Variants in CCSER1 observed in about 807,000 individuals in gnomAD.
The protein encoded by CCSER1 is serine-rich coiled-coil domain-containing protein 1.
In CCSER1, 41 loss-of-function variants were observed where a neutral mutation model predicts 82.0. That is an observed-to-expected ratio of 0.50 (90% CI 0.39 to 0.65). The LOEUF (loss-of-function observed/expected upper bound fraction) is 0.65, where lower values mean the gene tolerates loss of function less well. CCSER1 is among the 30% of genes least tolerant of loss of function. The pLI is 0.00. For synonymous variants in CCSER1, 414 were observed against 383.9 expected (o/e 1.08, Z -0.92); for missense variants, 1,119 against 1,064.2 (o/e 1.05, Z -0.72).
At chr4:91,533,363 A>C (rs1761133005) in intron 10 of CCSER1, among the ~76,000 whole-genome samples, 1 of 152,194 alleles carries the variant, frequency 6.6e-6, no homozygotes, top group Non-Finnish European at 1.5e-5. Flanking sequence ...ATGATTACAG[A>C]ATCTCATATA....
chr4:91,116,411 G>A lies in CCSER1; in HGVS notation c.2217+30417G>A, dbSNP rs1482603861. 5.9e-5 allele frequency among the ~76,000 whole-genome samples: 9 copies of A among 152,302 alleles called. No homozygotes were observed. In the East Asian group the frequency reaches 1.7e-3, roughly 29 times the overall value. ...GGAGAGCCTAGTGATGAGAGGGCAT[G>A]CTCTTTGGAACCAGAATGCCCGCGA... On this transcript the variant is annotated intron_variant, in intron 10 of 10. Coordinates refer to ENST00000509176, the MANE Select transcript of CCSER1 (RefSeq NM_001145065.2).
chr4:90,785,696 G>A (rs779237644), intron 7 of CCSER1, among the ~76,000 whole-genome samples: 14 of 149,822 alleles, frequency 9.3e-5, no homozygotes, highest in Admixed American at 2.0e-4. Flanking sequence ...AAAACTATAC[G>A]TTTAATTTGT....
At chr4:90,431,081 T>C (rs751979460) in intron 4 of CCSER1, among the ~76,000 whole-genome samples, 1 of 152,018 alleles carries the variant, frequency 6.6e-6, no homozygotes, top group Non-Finnish European at 1.5e-5. Flanking sequence ...TCATTTTAGA[T>C]CCTCACTTGG....
rs964627468 is a variant in CCSER1 at position 90,168,518 on chromosome 4, G to T, written c.-42+40687G>T. ...GTCCATTTTAGCTTTTGTTACCATT[G>T]CTTTTGGTGTTTTAGACATGAAGTC... is the stretch of plus-strand genomic sequence containing the variant. On this transcript the variant is annotated intron_variant, in intron 1 of 10. Transcript: ENST00000509176. 3.2e-4 allele frequency among the ~76,000 whole-genome samples: 49 copies of T among 152,112 alleles called. 1 individual carries two copies. The highest frequency in any genetic ancestry group is 1.5e-5 in the Non-Finnish European group (1 of 68,012).
chr4:90,892,474 T>C lies in CCSER1; in HGVS notation c.2095-30896T>C, dbSNP rs538086714. Among the ~76,000 whole-genome samples the C allele has an allele frequency of 3.3e-5, 5 of 152,216 alleles. No individual in the cohort carries two copies. The South Asian group carries it at 8.3e-4, about 25-fold the overall frequency. On this transcript the variant is annotated intron_variant, in intron 8 of 10. Coordinates refer to ENST00000509176, the MANE Select transcript of CCSER1 (RefSeq NM_001145065.2). ...CTTTGATTTATATTTATTAGGTATATATTATCAATTATTTTATTTTCCATA... is the reference window on the plus strand; with the variant it reads ...CTTTGATTTATATTTATTAGGTATACATTATCAATTATTTTATTTTCCATA...
chr4:91,443,593 A>T (rs1297200728), intron 10 of CCSER1, among the ~76,000 whole-genome samples: 1 of 151,414 alleles, frequency 6.6e-6, no homozygotes, highest in African/African-American at 2.4e-5. Context: ...AGCATGGCAC[A>T]TGTATACATA....
chr4:91,085,773 C>G (rs1240701428), intron 9 of CCSER1, among the ~76,000 whole-genome samples, 177 bp from the exon 10 acceptor site: 2 of 100,890 alleles, frequency 2.0e-5, no homozygotes, highest in African/African-American at 8.7e-5. Context: ...CATTTGAAGA[C>G]TTACTTAGCT....
intron 5 of CCSER1, among the ~76,000 whole-genome samples, chr4:90,492,790 C>T (rs982365635): frequency 6.6e-6 from 1 of 152,150 alleles, no homozygotes; most frequent in Non-Finnish European, 1.5e-5. Flanking sequence ...AGTAGTCATT[C>T]AGGAGCAGGT....
intron 1 of CCSER1, among the ~76,000 whole-genome samples, chr4:90,248,689 T>C (rs1018265256): frequency 8.6e-5 from 13 of 151,268 alleles, no homozygotes; most frequent in African/African-American, 3.2e-4. Flanking sequence ...GATTTATGTG[T>C]AGAATTTTAG....
At chr4:90,223,017 G>C (rs1413399212) in intron 1 of CCSER1, among the ~76,000 whole-genome samples, 2 of 152,044 alleles carry the variant, frequency 1.3e-5, no homozygotes, top group African/African-American at 4.8e-5. Context: ...ACATATATAG[G>C]TTCACGCATC....
At chr4:90,151,828 G>A (rs993200860) in intron 1 of CCSER1, among the ~76,000 whole-genome samples, 3 of 152,052 alleles carry the variant, frequency 2.0e-5, no homozygotes, top group African/African-American at 7.2e-5. Flanking sequence ...CACAGTGAAA[G>A]ATAACAAGAT....
At chr4:90,811,984 AT>A (rs1338679708) in intron 7 of CCSER1, among the ~76,000 whole-genome samples, 2 of 141,554 alleles carry the variant, frequency 1.4e-5, no homozygotes, top group Non-Finnish European at 3.1e-5. Context: ...ATATATATAT[AT>A]ATATAAACAC....
At chr4:91,163,996 C>T (rs552145229) in intron 10 of CCSER1, among the ~76,000 whole-genome samples, 19 of 152,200 alleles carry the variant, frequency 1.2e-4, no homozygotes, top group Admixed American at 3.9e-4. Context: ...TTATTTTGCT[C>T]GTTAGTTGAT....
chr4:90,585,225 AG>A (rs1781865036), intron 5 of CCSER1, among the ~76,000 whole-genome samples: 1 of 152,232 alleles, frequency 6.6e-6, no homozygotes, highest in African/African-American at 2.4e-5. Context: ...AACTGGTAAT[AG>A]TTAAGTGCTG....
intron 7 of CCSER1, among the ~76,000 whole-genome samples, chr4:90,805,610 G>A (rs558195396): frequency 6.6e-6 from 1 of 152,274 alleles, no homozygotes; most frequent in East Asian, 1.9e-4. Flanking sequence ...AGGAATACTA[G>A]CAAAGGGTTT....
At chr4:90,196,957 C>A (rs769768352) in intron 1 of CCSER1, among the ~76,000 whole-genome samples, 2 of 151,934 alleles carry the variant, frequency 1.3e-5, no homozygotes, top group African/African-American at 2.4e-5. Context: ...CACTATGTAC[C>A]TTGAGATAGT....
At chr4:91,537,073 G>T (rs2110184119) in intron 10 of CCSER1, among the ~76,000 whole-genome samples, 1 of 152,094 alleles carries the variant, frequency 6.6e-6, no homozygotes, top group South Asian at 2.1e-4. Context: ...AATAATTGTA[G>T]CACTAAAAAT....
intron 9 of CCSER1, among the ~76,000 whole-genome samples, chr4:91,015,193 T>G (rs574938635): frequency 6.6e-6 from 1 of 152,070 alleles, no homozygotes; most frequent in Admixed American, 6.5e-5. Flanking sequence ...ATTAAAAACA[T>G]GTGGTTATCT....
chr4:90,784,148 A>T (rs569228735), intron 7 of CCSER1, among the ~76,000 whole-genome samples: 7 of 152,296 alleles, frequency 4.6e-5, no homozygotes, highest in South Asian at 2.1e-4. Flanking sequence ...AGTTACTCCA[A>T]ATTAGAGGAC....
Sources: allele counts gnomAD v4.1 joint callset (sites outside exome capture counted in the v4.1 genomes callset), GRCh38; gene constraint gnomAD v4.1.1; transcripts MANE v1.5; gene names NCBI Gene and HGNC (gene_info 2026-07-23, HGNC 2026-07-21).